Variants in ELP4 observed in about 807,000 individuals in gnomAD.
ELP4 encodes the protein elongator complex protein 4.
A neutral mutation model predicts 48.9 loss-of-function variants in ELP4; 51 were observed. That is an observed-to-expected ratio of 1.04 (90% CI 0.83 to 1.32). ELP4 has a LOEUF of 1.32. Ranked by LOEUF, ELP4 falls within the 40% of genes most tolerant of loss-of-function variation. ELP4 has a pLI of 0.00. For missense variants in ELP4, 519 were observed against 514.6 expected, an observed-to-expected ratio of 1.01 and a Z score of -0.08; for synonymous variants, 210 against 189.2, an observed-to-expected ratio of 1.11 and a Z score of -0.90.
chr11:31,664,813 A>G (rs1474688627), intron 9 of ELP4, among the ~76,000 whole-genome samples: 4 of 152,160 alleles, frequency 2.6e-5, no homozygotes, highest in African/African-American at 9.7e-5. Flanking sequence ...TCACCTTGAG[A>G]ATAAAGGTTT....
At chr11:31,551,060 A>T (rs1421412303) in intron 3 of ELP4, among the ~76,000 whole-genome samples, 4 of 152,136 alleles carry the variant, frequency 2.6e-5, no homozygotes, top group African/African-American at 9.7e-5. Flanking sequence ...TAAAATTTCC[A>T]TTGAAAGCTC....
chr11:31,574,430 G>C (rs1957236240), intron 3 of ELP4, among the ~76,000 whole-genome samples: 1 of 152,186 alleles, frequency 6.6e-6, no homozygotes. Context: ...AGCTTTGAGA[G>C]AGTAGTCGTT....
At chr11:31,672,687 A>G (rs1241122745) in intron 9 of ELP4, among the ~76,000 whole-genome samples, 1 of 151,988 alleles carries the variant, frequency 6.6e-6, no homozygotes, top group Non-Finnish European at 1.5e-5. Flanking sequence ...AGCTACTCAC[A>G]AGGCTGAGGT....
At chr11:31,613,157 C>G (rs1958013968) in intron 5 of ELP4, among the ~76,000 whole-genome samples, 1 of 152,034 alleles carries the variant, frequency 6.6e-6, no homozygotes, top group African/African-American at 2.4e-5. Context: ...TATAAGAGAT[C>G]AGGGGTGGTT....
At chr11:31,663,984 CA>C (rs1945617805) in intron 9 of ELP4, 1 of 151,930 alleles carries the variant, frequency 6.6e-6, no homozygotes, top group African/African-American at 2.4e-5. Flanking sequence ...AACTTCTTTT[CA>C]AAGGTGTTTA....
chr11:31,736,135 C>A (rs1312155728), intron 9 of ELP4, among the ~76,000 whole-genome samples: 2 of 152,112 alleles, frequency 1.3e-5, no homozygotes, highest in African/African-American at 4.8e-5. Flanking sequence ...GAGCTGTAGA[C>A]CAATGGAACA....
At chr11:31,519,805 G>A (rs1284358849) in intron 1 of ELP4, among the ~76,000 whole-genome samples, 1 of 145,834 alleles carries the variant, frequency 6.9e-6, no homozygotes, top group Non-Finnish European at 1.5e-5. Context: ...ACTCCAGCGT[G>A]ATCAACAGAG....
chr11:31,631,206 A>T (rs921362471), intron 6 of ELP4, among the ~76,000 whole-genome samples: 2 of 152,176 alleles, frequency 1.3e-5, no homozygotes, highest in African/African-American at 4.8e-5. Flanking sequence ...AAATAGATAT[A>T]TTGTGTTAGA....
chr11:31,746,007 A>T (rs1002292855), intron 9 of ELP4, among the ~76,000 whole-genome samples: 1 of 152,210 alleles, frequency 6.6e-6, no homozygotes, highest in African/African-American at 2.4e-5. Flanking sequence ...CAAAGGGCTG[A>T]TATCCAGAAT....
chr11:31,708,857 T>C (rs1284751904), intron 9 of ELP4, among the ~76,000 whole-genome samples: 1 of 152,192 alleles, frequency 6.6e-6, no homozygotes, highest in Non-Finnish European at 1.5e-5. Context: ...GTGTAACTAA[T>C]TGAATAATTA....
At chr11:31,679,980 A>G (rs903907685) in intron 9 of ELP4, among the ~76,000 whole-genome samples, 14 of 152,104 alleles carry the variant, frequency 9.2e-5, no homozygotes, top group African/African-American at 2.7e-4. Flanking sequence ...TGTCTTTTAC[A>G]GTTTAGATTT....
chr11:31,600,060 T>C (rs1358433274), intron 4 of ELP4: 2 of 152,178 alleles, frequency 1.3e-5, no homozygotes, highest in East Asian at 3.9e-4. Context: ...TAAAATAAGT[T>C]GTCACCAGGT....
intron 9 of ELP4, among the ~76,000 whole-genome samples, chr11:31,759,905 C>T (rs565772164): frequency 6.6e-6 from 1 of 152,148 alleles, no homozygotes; most frequent in African/African-American, 2.4e-5. Context: ...CAGGGTTTCA[C>T]TTGGCCAGGG....
chr11:31,607,140 C>A (rs573098998), intron 5 of ELP4, among the ~76,000 whole-genome samples: 1 of 152,240 alleles, frequency 6.6e-6, no homozygotes, highest in South Asian at 2.1e-4. Flanking sequence ...AGGGAAGAGC[C>A]CTCACCAGGC....
intron 2 of ELP4, among the ~76,000 whole-genome samples, chr11:31,534,162 C>T (rs1025553151): frequency 6.6e-6 from 1 of 151,968 alleles, no homozygotes. Flanking sequence ...TAGTATGACT[C>T]GTGGAATGAC....
intron 9 of ELP4, among the ~76,000 whole-genome samples, chr11:31,774,716 C>T (rs758945435): frequency 6.6e-6 from 1 of 152,206 alleles, no homozygotes; most frequent in African/African-American, 2.4e-5. Context: ...TACTTGACCT[C>T]ACTGCCTATC....
chr11:31,773,056 G>T (rs938262642), intron 9 of ELP4, among the ~76,000 whole-genome samples: 4 of 152,184 alleles, frequency 2.6e-5, no homozygotes, highest in African/African-American at 7.2e-5. Context: ...TGCCCTTTGG[G>T]GGCTCCACAG....
At chr11:31,747,131 A>G (rs1434247442) in intron 9 of ELP4, among the ~76,000 whole-genome samples, 1 of 152,150 alleles carries the variant, frequency 6.6e-6, no homozygotes, top group Non-Finnish European at 1.5e-5. Flanking sequence ...TAAAAATGGT[A>G]TAACCTTCTC....
chr11:31,531,363 G>A (rs1412864222), intron 2 of ELP4, among the ~76,000 whole-genome samples: 1 of 152,172 alleles, frequency 6.6e-6, no homozygotes, highest in Non-Finnish European at 1.5e-5. Context: ...ATAATAGGAT[G>A]CATTCTCTGC....
Sources: allele counts gnomAD v4.1 joint callset (sites outside exome capture counted in the v4.1 genomes callset), GRCh38; gene constraint gnomAD v4.1.1; transcripts MANE v1.5; gene names NCBI Gene and HGNC (gene_info 2026-07-23, HGNC 2026-07-21).